P2RY8: variants seen among roughly 807,000 people sequenced by gnomAD.
The protein encoded by P2RY8 is S-geranylgeranyl-glutathione receptor P2RY8.
In P2RY8, 6 loss-of-function variants were observed where a neutral mutation model predicts 10.0. The ratio of observed to expected loss-of-function variants is 0.60; its 90% CI spans 0.33 to 1.19. P2RY8 has a LOEUF of 1.19. Ranked by LOEUF, P2RY8 falls within the 50% of genes most tolerant of loss-of-function variation. P2RY8 has a pLI of 0.04. For missense variants in P2RY8, 456 were observed against 542.0 expected (o/e 0.84, Z 1.58); for synonymous variants, 276 against 252.5 (o/e 1.09, Z -0.88).
chrX:1,504,160 A>T (rs1188177745), intron 1 of P2RY8, among the ~76,000 whole-genome samples: 1 of 151,656 alleles, frequency 6.6e-6, no homozygotes, highest in Non-Finnish European at 1.5e-5. Flanking sequence ...TACTAAAAAT[A>T]CAAAAATTAG....
rs750677231 is a variant in P2RY8 at position 1,518,343 on chromosome X, G to A, written c.-25+18578C>T. Among the ~76,000 whole-genome samples, 39 of 147,878 alleles carry A rather than the reference G, an allele frequency of 2.6e-4. No homozygotes were observed. The East Asian group carries it at 2.8e-3, about 11-fold the overall frequency. ...CGGGAGGCTGAGGCAGGAGAATGGC[G>A]TGAACCCAGGAGGCGGAGCTTGCAG... On this transcript the variant is annotated intron_variant, in intron 1 of 1. Transcript: ENST00000381297.
At chrX:1,486,838 C>G (rs1358548653) in intron 1 of P2RY8, among the ~76,000 whole-genome samples, 4 of 152,226 alleles carry the variant, frequency 2.6e-5, no homozygotes, top group African/African-American at 4.8e-5. Context: ...ACTCCCTGCC[C>G]GCGCTGAGTC....
intron 1 of P2RY8, among the ~76,000 whole-genome samples, chrX:1,517,190 T>A (rs1165447291): frequency 6.6e-5 from 10 of 151,650 alleles, no homozygotes; most frequent in Admixed American, 3.9e-4. Context: ...TATGGTATTC[T>A]GTGGTAGCAG....
At chrX:1,524,669 T>TCCACCCACC (rs1556686043) in intron 1 of P2RY8, among the ~76,000 whole-genome samples, 1 of 51,060 alleles carries the variant, frequency 2.0e-5, no homozygotes, top group Non-Finnish European at 3.7e-5. Flanking sequence ...ATCCATCCAT[T>TCCACCCACC]CATCCATCCA....
intron 1 of P2RY8, among the ~76,000 whole-genome samples, chrX:1,532,308 A>G (rs1294691369): frequency 4.2e-5 from 1 of 23,858 alleles, no homozygotes; most frequent in East Asian, 3.5e-3. Context: ...TATGTGTGCC[A>G]TATATATACA....
In P2RY8 at chrX:1,465,533, T is replaced by C; in HGVS notation, c.1026A>G (p.Glu342=). ...CGGGCCTGGTGGCTCCCTCCATCCCTTCAGGGTGCGCACCGGCCTCGGAGC... is the reference window on the plus strand; with the variant it reads ...CGGGCCTGGTGGCTCCCTCCATCCCCTCAGGGTGCGCACCGGCCTCGGAGC... ...SVRSEAGAHP[E]GMEGATRPGL... Residue 342 remains glutamate, a synonymous_variant, in exon 2 of 2, where the codon GAA becomes GAG. Transcript: ENST00000381297. The C allele has an allele frequency of 1.9e-6, 3 of 1,611,870 alleles. No homozygotes were observed. The highest frequency in any genetic ancestry group is 2.5e-6 in the Non-Finnish European group (3 of 1,179,646).
chrX:1,512,333 G>A (rs1191159462), intron 1 of P2RY8, among the ~76,000 whole-genome samples: 1 of 152,034 alleles, frequency 6.6e-6, no homozygotes, highest in Admixed American at 6.6e-5. Context: ...GATCACCTGA[G>A]GTCAGGCGTT....
At chrX:1,511,640 C>T (rs1437773278) in intron 1 of P2RY8, among the ~76,000 whole-genome samples, 5 of 152,206 alleles carry the variant, frequency 3.3e-5, no homozygotes, top group Non-Finnish European at 5.9e-5. Flanking sequence ...CCACTTCAAC[C>T]TCCCAAAGCA....
chrX:1,521,039 T>C (rs1189887041), intron 1 of P2RY8, among the ~76,000 whole-genome samples: 4 of 141,464 alleles, frequency 2.8e-5, no homozygotes, highest in South Asian at 2.3e-4. Flanking sequence ...CTTTTCTTTT[T>C]TTTTTTTTTT....
intron 1 of P2RY8, among the ~76,000 whole-genome samples, chrX:1,471,726 G>A (rs2091789664): frequency 6.6e-6 from 1 of 152,130 alleles, no homozygotes; most frequent in African/African-American, 2.4e-5. Flanking sequence ...TGTTCCGGGT[G>A]GACCTTACAG....
In P2RY8 at chrX:1,495,709, A is replaced by T. The variant is rs1380954858; in HGVS notation, c.-24-29127T>A. 2.0e-4 allele frequency among the ~76,000 whole-genome samples: 24 copies of T among 121,202 alleles called. 1 individual carries two copies. Among genetic ancestry groups the T allele is most frequent in the Non-Finnish European group, 4.3e-4 (23 of 52,898 alleles). The allele number at this position is 121,202 out of a possible 152,430, so 79.5% of individuals were successfully genotyped here. A position where few individuals can be genotyped will look rare whatever the true frequency, so the allele number is the denominator to read the frequency against. On this transcript the variant is annotated intron_variant, in intron 1 of 1. Coordinates refer to ENST00000381297, the MANE Select transcript of P2RY8 (RefSeq NM_178129.5). ...CAGAGAGATGACCCTGTGAGGACAC[A>T]GGGAGAAGACGGCGTCTCCAAGCCC...
intron 1 of P2RY8, among the ~76,000 whole-genome samples, chrX:1,499,945 G>A (rs1386488691): frequency 1.3e-5 from 2 of 148,148 alleles, no homozygotes; most frequent in East Asian, 2.0e-4. Flanking sequence ...TGCAAGCTCC[G>A]CCTCCCGGGT....
intron 1 of P2RY8, among the ~76,000 whole-genome samples, chrX:1,515,271 T>G (rs1211024616): frequency 2.0e-5 from 3 of 151,924 alleles, no homozygotes; most frequent in African/African-American, 4.8e-5. Context: ...TTTGTAGAGA[T>G]AGAATTCCTA....
chrX:1,511,397 T>C (rs1166248920), intron 1 of P2RY8, among the ~76,000 whole-genome samples: 1 of 152,218 alleles, frequency 6.6e-6, no homozygotes, highest in Non-Finnish European at 1.5e-5. Flanking sequence ...TCATTCAACA[T>C]AAATTCCCAT....
At chrX:1,510,959 A>G (rs2092294181) in intron 1 of P2RY8, among the ~76,000 whole-genome samples, 1 of 151,958 alleles carries the variant, frequency 6.6e-6, no homozygotes, top group Admixed American at 6.6e-5. Context: ...CGGGTGGATC[A>G]CGGGGTCAGG....
intron 1 of P2RY8, among the ~76,000 whole-genome samples, chrX:1,521,923 T>C (rs2092394718): frequency 6.7e-6 from 1 of 149,614 alleles, no homozygotes; most frequent in South Asian, 2.1e-4. Context: ...TTCTTATGTC[T>C]TTCTCTTTCT....
intron 1 of P2RY8, among the ~76,000 whole-genome samples, chrX:1,466,821 CCTTT>C (rs1435464240): frequency 6.6e-6 from 1 of 150,806 alleles, no homozygotes; most frequent in Non-Finnish European, 1.5e-5. Flanking sequence ...TGTCTTCTCC[CCTTT>C]CTTCTTCCTT....
intron 1 of P2RY8, among the ~76,000 whole-genome samples, chrX:1,535,124 G>A (rs1333195851): frequency 2.6e-5 from 4 of 151,524 alleles, no homozygotes; most frequent in Non-Finnish European, 4.4e-5. Context: ...CACGTAGGAC[G>A]CTGGCACCTG....
At position 1,466,459 on chromosome X, in the gene P2RY8, C is replaced by T; in HGVS notation, c.100G>A (p.Ala34Thr). ...VALPVVYSLV[A>T]AVSIPGNLFS... ...AGGTTGCCCGGGATGCTGACCGCCG[C>T]CACCAGCGAGTACACCACGGGCAGG... The change falls in exon 2 of 2, where the codon GCG (alanine) becomes ACG (threonine). Residue 34 changes from alanine (A) to threonine (T), a missense_variant. By Grantham distance (58) the Ala-to-Thr change is moderately conservative. Coordinates refer to ENST00000381297, the MANE Select transcript of P2RY8 (RefSeq NM_178129.5). 1 of 1,612,334 alleles carries T rather than the reference C, an allele frequency of 6.2e-7. No individual in the cohort carries two copies. Among genetic ancestry groups the T allele is most frequent in the Non-Finnish European group, 8.5e-7 (1 of 1,179,824 alleles).
Sources: gnomAD v4.1 joint callset for allele counts (sites outside exome capture counted in the v4.1 genomes callset) on GRCh38, gnomAD v4.1.1 for gene constraint, MANE v1.5 for transcripts, NCBI Gene and HGNC (gene_info 2026-07-23, HGNC 2026-07-21) for gene names.